Variants in CDH13 observed in about 807,000 individuals in gnomAD.
CDH13 encodes cadherin-13.
In CDH13, 24 loss-of-function variants were observed where a neutral mutation model predicts 63.8. The observed-to-expected ratio is 0.38, with a 90% CI of 0.27 to 0.53. The LOEUF is 0.53. Among genes scored for constraint, CDH13 ranks in the 20% least tolerant of loss-of-function variants. The pLI, the probability that CDH13 is intolerant of heterozygous loss-of-function variation, is 0.85. For synonymous variants in CDH13, 503 were observed against 355.3 expected (o/e 1.42, Z -4.67); for missense variants, 1,049 against 903.1 (o/e 1.16, Z -2.07).
intron 1 of CDH13, among the ~76,000 whole-genome samples, chr16:82,815,474 GC>G (rs1474555992): frequency 6.6e-6 from 1 of 152,112 alleles, no homozygotes; most frequent in African/African-American, 2.4e-5. Context: ...TGTGTCAGGT[GC>G]TCAGAACAAT....
At chr16:82,815,738 G>C (rs567300906) in intron 1 of CDH13, among the ~76,000 whole-genome samples, 1 of 152,194 alleles carries the variant, frequency 6.6e-6, no homozygotes, top group East Asian at 1.9e-4. Flanking sequence ...CTATCACTTT[G>C]TTGGCCACTG....
intron 6 of CDH13, among the ~76,000 whole-genome samples, chr16:83,412,697 C>G (rs1299887751): frequency 6.6e-6 from 1 of 152,138 alleles, no homozygotes; most frequent in Non-Finnish European, 1.5e-5. Flanking sequence ...ATGCACTACT[C>G]AAAATGTTTC....
At chr16:83,633,105 T>G (rs1910927714) in intron 8 of CDH13, among the ~76,000 whole-genome samples, 2 of 152,176 alleles carry the variant, frequency 1.3e-5, no homozygotes, top group South Asian at 4.1e-4. Context: ...GCCAGCTTCT[T>G]TACTGCAACC....
At chr16:82,752,496 C>A (rs973911022) in intron 1 of CDH13, among the ~76,000 whole-genome samples, 1 of 152,216 alleles carries the variant, frequency 6.6e-6, no homozygotes, top group Non-Finnish European at 1.5e-5. Context: ...CTGTACAGTT[C>A]TTGATTGGTT....
chr16:83,726,794 C>T (rs1176654824), intron 10 of CDH13, among the ~76,000 whole-genome samples: 1 of 150,864 alleles, frequency 6.6e-6, no homozygotes, highest in Non-Finnish European at 1.5e-5. Flanking sequence ...GCGGAGATGG[C>T]GCCACTGCGC....
chr16:82,854,333 G>A lies in CDH13; in HGVS notation c.46-4029G>A, dbSNP rs942500058. Among the ~76,000 whole-genome samples, 4 of 151,168 alleles carry A rather than the reference G, an allele frequency of 2.6e-5. 1 individual carries two copies. In the East Asian group the frequency reaches 7.8e-4, roughly 29 times the overall value. On this transcript the variant is annotated intron_variant, in intron 1 of 13. Coordinates refer to ENST00000567109, the MANE Select transcript of CDH13 (RefSeq NM_001257.5). The stretch of plus-strand genomic sequence containing the variant: ...GGAGAATGGCATGAAACCAGGAGGC[G>A]GGGCTTGCAGTGAGCCAAGATCGTG...
At chr16:82,992,061 G>A (rs1220294202) in intron 2 of CDH13, among the ~76,000 whole-genome samples, 1 of 152,200 alleles carries the variant, frequency 6.6e-6, no homozygotes, top group Non-Finnish European at 1.5e-5. Context: ...TGAGGAAGAA[G>A]AAGAGTATTT....
intron 4 of CDH13, among the ~76,000 whole-genome samples, chr16:83,130,350 G>A (rs1360750265): frequency 6.6e-6 from 1 of 152,198 alleles, no homozygotes; most frequent in East Asian, 1.9e-4. Flanking sequence ...TGCTTTTTGA[G>A]ATTTCAAAGT....
intron 1 of CDH13, among the ~76,000 whole-genome samples, chr16:82,643,141 A>G (rs12444786): frequency 0.77 from 116,570 of 152,172 alleles, 45,791 homozygotes; most frequent in East Asian, 1. Flanking sequence ...TGGTGATTAC[A>G]TTAGCTCTCT....
intron 13 of CDH13, among the ~76,000 whole-genome samples, chr16:83,788,592 A>T (rs1597235532): frequency 6.6e-6 from 1 of 152,042 alleles, no homozygotes; most frequent in Admixed American, 6.6e-5. Context: ...GTTGCCAAGG[A>T]TTTCCCACTT....
intron 3 of CDH13, among the ~76,000 whole-genome samples, chr16:83,059,644 G>T (rs2031313948): frequency 6.6e-6 from 1 of 152,100 alleles, no homozygotes; most frequent in African/African-American, 2.4e-5. Context: ...TCAGTCAGGA[G>T]AAAACTGAGG....
chr16:83,666,274 A>G (rs1298805672), intron 8 of CDH13, among the ~76,000 whole-genome samples: 1 of 152,186 alleles, frequency 6.6e-6, no homozygotes, highest in Non-Finnish European at 1.5e-5. Context: ...GAATTATATA[A>G]TGGGGTTAAA....
chr16:82,834,267 A>G (rs906135746), intron 1 of CDH13, among the ~76,000 whole-genome samples: 4 of 152,166 alleles, frequency 2.6e-5, no homozygotes, highest in African/African-American at 9.7e-5. Flanking sequence ...CCTGCATTAG[A>G]TGGCTGAGCT....
chr16:82,983,520 T>G (rs996078056), intron 2 of CDH13, among the ~76,000 whole-genome samples: 2 of 152,036 alleles, frequency 1.3e-5, no homozygotes, highest in African/African-American at 4.8e-5. Context: ...CAACTGCCAG[T>G]AAGGGAGCAA....
chr16:83,113,990 G>C (rs574946899), intron 3 of CDH13, among the ~76,000 whole-genome samples: 34 of 152,232 alleles, frequency 2.2e-4, no homozygotes, highest in East Asian at 1.2e-3. Context: ...AAAAGATCTC[G>C]CTGGCTGCTG....
At chr16:83,159,510 G>T (rs966042086) in intron 4 of CDH13, among the ~76,000 whole-genome samples, 15 of 152,112 alleles carry the variant, frequency 9.9e-5, no homozygotes, top group African/African-American at 3.6e-4. Flanking sequence ...ATAGGTTGTT[G>T]GAGAATTAAA....
At chr16:83,413,544 T>C (rs1242872797) in intron 6 of CDH13, among the ~76,000 whole-genome samples, 1 of 152,120 alleles carries the variant, frequency 6.6e-6, no homozygotes, top group African/African-American at 2.4e-5. Flanking sequence ...GAGATCGGGG[T>C]GTAGCAATCT....
intron 2 of CDH13, among the ~76,000 whole-genome samples, chr16:82,900,876 T>G (rs937815550): frequency 6.6e-6 from 1 of 152,194 alleles, no homozygotes; most frequent in African/African-American, 2.4e-5. Flanking sequence ...TCAGAATTAA[T>G]TGTTAGGATT....
At chr16:83,132,708 A>G (rs1227826590) in intron 4 of CDH13, among the ~76,000 whole-genome samples, 2 of 152,066 alleles carry the variant, frequency 1.3e-5, no homozygotes, top group Admixed American at 1.3e-4. Context: ...GATTACAAGC[A>G]TGAGCACCTG....
Sources: gnomAD v4.1 joint callset for allele counts (sites outside exome capture counted in the v4.1 genomes callset) on GRCh38, gnomAD v4.1.1 for gene constraint, MANE v1.5 for transcripts, NCBI Gene and HGNC (gene_info 2026-07-23, HGNC 2026-07-21) for gene names.